ANKRD36: variants seen among roughly 807,000 people sequenced by gnomAD.
ANKRD36 encodes ankyrin repeat domain 36.
ANKRD36 carries 179 observed loss-of-function variants against 278.1 expected under a neutral mutation model. The observed-to-expected ratio is 0.64, with a 90% CI of 0.57 to 0.73. ANKRD36 has a LOEUF of 0.73. Ranked by LOEUF, ANKRD36 falls within the 30% of genes least tolerant of loss-of-function variation. The pLI is 0.00. For missense variants in ANKRD36, 1,159 were observed against 1,956.7 expected, an observed-to-expected ratio of 0.59 and a Z score of 7.69; for synonymous variants, 320 against 641.1, an observed-to-expected ratio of 0.50 and a Z score of 7.57.
chr2:97,177,002 C>T (rs2054462862), intron 22 of ANKRD36, among the ~76,000 whole-genome samples: 1 of 151,562 alleles, frequency 6.6e-6, no homozygotes. Context: ...AATCAATGTG[C>T]AAAAATCACA....
At chr2:97,262,959 G>C (rs2076884092) in intron 75 of ANKRD36, among the ~76,000 whole-genome samples, 1 of 144,868 alleles carries the variant, frequency 6.9e-6, no homozygotes, top group South Asian at 3.6e-4. Flanking sequence ...CCTAGTCTCA[G>C]CTAATTTTTT....
chr2:97,220,777 T>TTTTTTTTTTTTTTTTTTAA (rs2067368758), intron 66 of ANKRD36, among the ~76,000 whole-genome samples: 2 of 94,508 alleles, frequency 2.1e-5, no homozygotes, highest in African/African-American at 8.6e-5. Flanking sequence ...TTTTTTTAAT[T>TTTTTTTTTTTTTTTTTTAA]TTTTTTTTTT....
chr2:97,160,489 CT>C, intron 17 of ANKRD36, among the ~76,000 whole-genome samples: 1 of 152,066 alleles, frequency 6.6e-6, no homozygotes, highest in South Asian at 2.1e-4. Context: ...CTCAGGAATC[CT>C]TTTGACTTGA....
chr2:97,130,455 G>A, intron 6 of ANKRD36, among the ~76,000 whole-genome samples: 1 of 125,824 alleles, frequency 7.9e-6, no homozygotes, highest in Non-Finnish European at 1.6e-5. Flanking sequence ...GTGGGGTGGG[G>A]GGAGGGGGGA....
intron 11 of ANKRD36, 55 bp downstream of exon 11, chr2:97,146,571 T>G (rs1320223074): frequency 2.8e-6 from 4 of 1,406,664 alleles, no homozygotes; most frequent in East Asian, 5.0e-5. Flanking sequence ...ATAGAGAGAA[T>G]AGAAACTAGT....
At chr2:97,203,895 G>C (rs1247398502) in intron 48 of ANKRD36, among the ~76,000 whole-genome samples, 173 bp from the exon 49 acceptor site, 2 of 151,754 alleles carry the variant, frequency 1.3e-5, no homozygotes, top group Admixed American at 6.6e-5. Flanking sequence ...AGCCTGTATT[G>C]CTTTTCTCAG....
At chr2:97,217,931 G>T (rs529749517) in intron 64 of ANKRD36, among the ~76,000 whole-genome samples, 1 of 151,840 alleles carries the variant, frequency 6.6e-6, no homozygotes, top group Non-Finnish European at 1.5e-5. Flanking sequence ...ACTCACTTCA[G>T]ATGCATTTTG....
intron 66 of ANKRD36, among the ~76,000 whole-genome samples, chr2:97,220,828 C>T (rs1377053076): frequency 4.4e-5 from 6 of 137,594 alleles, no homozygotes; most frequent in Non-Finnish European, 9.0e-5. Context: ...GCACATTGTG[C>T]AGGTTAGCTA....
intron 48 of ANKRD36, 132 bp downstream of exon 48, chr2:97,202,525 A>C: frequency 7.1e-7 from 1 of 1,415,342 alleles, no homozygotes; most frequent in Non-Finnish European, 9.5e-7. Context: ...CTTCATTTGT[A>C]GTAAGTTCTT....
At chr2:97,179,540 C>A (rs1262425247) in intron 22 of ANKRD36, among the ~76,000 whole-genome samples, 198 bp from the exon 23 acceptor site, 2 of 151,462 alleles carry the variant, frequency 1.3e-5, no homozygotes, top group African/African-American at 2.4e-5. Flanking sequence ...GTGTATATTT[C>A]TTGAAGCCTG....
At chr2:97,219,881 C>T (rs1323878762) in intron 66 of ANKRD36, among the ~76,000 whole-genome samples, 24 of 145,122 alleles carry the variant, frequency 1.7e-4, no homozygotes, top group Admixed American at 1.4e-3. Context: ...TTAAAGAGAT[C>T]AATTTTGATA....
rs559592187 is a variant in ANKRD36, at chr2:97,154,727, G to T, written c.1246G>T (p.Ala416Ser). Residue 416 changes from alanine to serine, a missense_variant, in exon 15 of 76, where the codon GCT becomes TCT. Physicochemically the swap from Ala to Ser is moderately conservative, Grantham distance 99. Coordinates refer to ENST00000420699, the MANE Select transcript of ANKRD36 (RefSeq NM_001354587.1). ...FAQPVTKDKF[A>S]LESENISEPY... ...ACAGCCTGTGACAAAGGATAAGTTT[G>T]CTTTGGAATCTGAGGTAGAGTACTC... 124 of 1,487,888 alleles carry T rather than the reference G, an allele frequency of 8.3e-5. 9 individuals carry two copies. Among genetic ancestry groups the T allele is most frequent in the African/African-American group, 8.2e-4 (60 of 72,772 alleles). 92.2% of individuals were successfully genotyped at this position (1,487,888 alleles called of 1,614,324 possible).
At chr2:97,185,003 G>A (rs1396567422) in intron 28 of ANKRD36, among the ~76,000 whole-genome samples, 1 of 151,768 alleles carries the variant, frequency 6.6e-6, no homozygotes, top group Non-Finnish European at 1.5e-5. Flanking sequence ...AGGTGTATGA[G>A]TTGCTCCTCT....
chr2:97,177,034 C>T (rs2054473834), intron 22 of ANKRD36, among the ~76,000 whole-genome samples: 1 of 151,454 alleles, frequency 6.6e-6, no homozygotes, highest in South Asian at 2.1e-4. Flanking sequence ...ACACCAACAA[C>T]AGACAAACAG....
At chr2:97,204,549 C>G (rs1409276519) in intron 50 of ANKRD36, among the ~76,000 whole-genome samples, 4 of 151,286 alleles carry the variant, frequency 2.6e-5, no homozygotes, top group African/African-American at 9.7e-5. Context: ...TGCTTTAATT[C>G]TCCAGCTTGT....
intron 67 of ANKRD36, among the ~76,000 whole-genome samples, chr2:97,226,230 C>G (rs1169034291): frequency 2.0e-5 from 3 of 151,818 alleles, no homozygotes; most frequent in African/African-American, 7.2e-5. Context: ...AACTAGTTTA[C>G]AGTCCCACCA....
intron 52 of ANKRD36, 95 bp from the exon 53 acceptor site, chr2:97,207,716 C>G: frequency 1.3e-6 from 2 of 1,524,074 alleles, no homozygotes; most frequent in East Asian, 2.5e-5. Flanking sequence ...CTAATACAGG[C>G]AGGAGGACAG....
chr2:97,175,973 C>A (rs2054122300), intron 22 of ANKRD36, among the ~76,000 whole-genome samples: 1 of 151,994 alleles, frequency 6.6e-6, no homozygotes, highest in African/African-American at 2.4e-5. Flanking sequence ...AGTTTGATTG[C>A]ACTGTGGTCT....
intron 44 of ANKRD36, 67 bp from the exon 45 acceptor site, chr2:97,200,265 CTG>C (rs1255750636): frequency 1.6e-5 from 26 of 1,604,034 alleles, no homozygotes; most frequent in South Asian, 8.9e-5. Flanking sequence ...GATGCTAACA[CTG>C]TGTGAATCTA....
Sources: gnomAD v4.1 joint callset for allele counts (sites outside exome capture counted in the v4.1 genomes callset) on GRCh38, gnomAD v4.1.1 for gene constraint, MANE v1.5 for transcripts, NCBI Gene and HGNC (gene_info 2026-07-23, HGNC 2026-07-21) for gene names.